The following TMEM132D variants were observed in gnomAD, a reference collection of about 807,000 sequenced individuals.
TMEM132D encodes transmembrane protein 132D.
In TMEM132D, 21 loss-of-function variants were observed where a neutral mutation model predicts 62.3. That is an observed-to-expected ratio of 0.34 (90% CI 0.24 to 0.49). The LOEUF is 0.49. Ranked by LOEUF, TMEM132D falls within the 20% of genes least tolerant of loss-of-function variation. The pLI is 0.99. For synonymous variants in TMEM132D, 621 were observed against 575.6 expected, an observed-to-expected ratio of 1.08 and a Z score of -1.13; for missense variants, 1,346 against 1,402.8, an observed-to-expected ratio of 0.96 and a Z score of 0.65.
At position 129,572,930 on chromosome 12, in the gene TMEM132D, G is replaced by C. The variant is rs146805448; in HGVS notation, c.969-41725C>G. Among the ~76,000 whole-genome samples the C allele has an allele frequency of 1.1e-3, 163 of 152,208 alleles. 2 individuals carry two copies. Among genetic ancestry groups the C allele is most frequent in the African/African-American group, 3.9e-3 (161 of 41,508 alleles). On this transcript the variant is annotated intron_variant, in intron 2 of 8. Transcript: ENST00000422113. ...ATTTTGTAAATGTTTCTTAGAATGC[G>C]ACTTCTATACTTCATTGAGAACTGT...
At position 129,072,545 on chromosome 12, in the gene TMEM132D, A is replaced by C. The variant is rs1304126706; in HGVS notation, c.*1330T>G. On this transcript the variant is annotated 3_prime_UTR_variant, in exon 9 of 9. Coordinates refer to ENST00000422113, the MANE Select transcript of TMEM132D (RefSeq NM_133448.3). ...CTGACTGCAGGACCAAGTGCTTGCA[A>C]ACCTGCATCTTCACCACATGCACTG... 1 of 152,288 alleles carries C rather than the reference A, an allele frequency of 6.6e-6. No individual in the cohort carries two copies. Among genetic ancestry groups the C allele is most frequent in the Non-Finnish European group, 1.5e-5 (1 of 68,134 alleles). The allele number at this position is 152,288 out of a possible 1,614,324, so 9.4% of individuals were successfully genotyped here.
At chr12:129,369,259 G>T (rs1046979682) in intron 3 of TMEM132D, among the ~76,000 whole-genome samples, 1 of 152,156 alleles carries the variant, frequency 6.6e-6, no homozygotes, top group Admixed American at 6.5e-5. Flanking sequence ...GGAAAATAAC[G>T]TGTGTCTTCC....
chr12:129,839,166 C>G (rs1431239338), intron 1 of TMEM132D, among the ~76,000 whole-genome samples: 3 of 89,092 alleles, frequency 3.4e-5, no homozygotes, highest in African/African-American at 1.2e-4. Context: ...GAATCTCGCA[C>G]TGTCGCCTGG....
intron 2 of TMEM132D, among the ~76,000 whole-genome samples, chr12:129,587,386 T>C (rs745808931): frequency 2.6e-5 from 4 of 152,108 alleles, no homozygotes; most frequent in Non-Finnish European, 5.9e-5. Flanking sequence ...ACTGGGCCTA[T>C]GTGAGGGTGG....
chr12:129,358,260 C>G (rs547243296), intron 3 of TMEM132D, among the ~76,000 whole-genome samples: 1 of 152,164 alleles, frequency 6.6e-6, no homozygotes, highest in African/African-American at 2.4e-5. Context: ...CTTTATTTTC[C>G]TCGTTCATTC....
At chr12:129,431,209 C>T (rs186990543) in intron 3 of TMEM132D, among the ~76,000 whole-genome samples, 3 of 152,182 alleles carry the variant, frequency 2.0e-5, no homozygotes, top group Non-Finnish European at 2.9e-5. Flanking sequence ...CCCTGTTTAC[C>T]GATAAGGACG....
At chr12:129,606,805 G>T (rs1243619219) in intron 2 of TMEM132D, among the ~76,000 whole-genome samples, 1 of 152,164 alleles carries the variant, frequency 6.6e-6, no homozygotes, top group Non-Finnish European at 1.5e-5. Context: ...TTAAACATCT[G>T]AGTATATTAT....
intron 2 of TMEM132D, among the ~76,000 whole-genome samples, chr12:129,599,000 T>C (rs928551681): frequency 3.9e-5 from 6 of 152,176 alleles, no homozygotes; most frequent in African/African-American, 1.4e-4. Context: ...CTTATACTTC[T>C]GAAGGAGTTT....
At chr12:129,155,357 A>G (rs539809832) in intron 5 of TMEM132D, among the ~76,000 whole-genome samples, 94 of 152,262 alleles carry the variant, frequency 6.2e-4, no homozygotes, top group African/African-American at 2.1e-3. Flanking sequence ...TTTAACCACA[A>G]TGTTAGTTTT....
At chr12:129,735,785 G>C (rs1185851934) in intron 1 of TMEM132D, among the ~76,000 whole-genome samples, 1 of 152,176 alleles carries the variant, frequency 6.6e-6, no homozygotes, top group Non-Finnish European at 1.5e-5. Flanking sequence ...ATTGGGTGAG[G>C]GGAGGGTATC....
At chr12:129,843,551 A>C (rs1196076355) in intron 1 of TMEM132D, among the ~76,000 whole-genome samples, 1 of 152,226 alleles carries the variant, frequency 6.6e-6, no homozygotes, top group African/African-American at 2.4e-5. Context: ...AAAGGATCAA[A>C]ATAACCTGCA....
intron 1 of TMEM132D, among the ~76,000 whole-genome samples, chr12:129,737,405 T>C (rs186952889): frequency 1.7e-3 from 266 of 152,354 alleles, no homozygotes; most frequent in African/African-American, 6.1e-3. Flanking sequence ...ACACTTGAAA[T>C]ATTTCACACT....
chr12:129,584,531 T>A (rs1877965696), intron 2 of TMEM132D, among the ~76,000 whole-genome samples: 1 of 152,206 alleles, frequency 6.6e-6, no homozygotes, highest in African/African-American at 2.4e-5. Flanking sequence ...TGCTTTGGCC[T>A]CTGGTTCGTG....
At chr12:129,192,698 A>G (rs943774885) in intron 5 of TMEM132D, among the ~76,000 whole-genome samples, 3 of 152,194 alleles carry the variant, frequency 2.0e-5, no homozygotes, top group Admixed American at 1.3e-4. Context: ...CACTGCCTCC[A>G]CTGGTGAGAT....
intron 2 of TMEM132D, among the ~76,000 whole-genome samples, chr12:129,539,090 G>A (rs937207980): frequency 1.3e-5 from 2 of 152,192 alleles, no homozygotes; most frequent in Admixed American, 1.3e-4. Context: ...GTGACAAGGG[G>A]GCAGGTGTCT....
intron 1 of TMEM132D, among the ~76,000 whole-genome samples, chr12:129,744,458 T>C (rs1869709656): frequency 6.6e-6 from 1 of 152,178 alleles, no homozygotes; most frequent in South Asian, 2.1e-4. Context: ...ATGGAGCCTT[T>C]GACAAACATA....
intron 4 of TMEM132D, among the ~76,000 whole-genome samples, chr12:129,236,814 G>A (rs1879799179): frequency 2.0e-5 from 3 of 152,036 alleles, no homozygotes. Context: ...TGATTTTAGA[G>A]GAAATGTGTT....
At chr12:129,745,354 G>A (rs943095953) in intron 1 of TMEM132D, among the ~76,000 whole-genome samples, 2 of 152,114 alleles carry the variant, frequency 1.3e-5, no homozygotes, top group African/African-American at 4.8e-5. Flanking sequence ...GTCAACACCC[G>A]CAAATGCGGA....
intron 1 of TMEM132D, among the ~76,000 whole-genome samples, chr12:129,847,827 A>G (rs1246720520): frequency 1.3e-5 from 2 of 152,090 alleles, no homozygotes; most frequent in Non-Finnish European, 1.5e-5. Flanking sequence ...TGACAACCCT[A>G]AAACTATCAC....
Sources: gnomAD v4.1 joint callset for allele counts (sites outside exome capture counted in the v4.1 genomes callset) on GRCh38, gnomAD v4.1.1 for gene constraint, MANE v1.5 for transcripts, NCBI Gene and HGNC (gene_info 2026-07-23, HGNC 2026-07-21) for gene names.